MAPKAP1: variants seen among roughly 807,000 people sequenced by gnomAD.
MAPKAP1 encodes the protein MAPK associated protein 1, also known as target of rapamycin complex 2 subunit MAPKAP1.
A neutral mutation model predicts 65.7 loss-of-function variants in MAPKAP1; 20 were observed. That is an observed-to-expected ratio of 0.30 (90% CI 0.21 to 0.44). MAPKAP1 has a LOEUF of 0.44. Ranked by LOEUF, MAPKAP1 falls within the 20% of genes least tolerant of loss-of-function variation. The pLI, the probability that MAPKAP1 is intolerant of heterozygous loss-of-function variation, is 1.00. For missense variants in MAPKAP1, 423 were observed against 648.0 expected, an observed-to-expected ratio of 0.65 and a Z score of 3.77; for synonymous variants, 222 against 244.3, an observed-to-expected ratio of 0.91 and a Z score of 0.85.
chr9:125,599,187 C>T (rs777901871), intron 4 of MAPKAP1, among the ~76,000 whole-genome samples: 2 of 152,086 alleles, frequency 1.3e-5, no homozygotes, highest in Non-Finnish European at 2.9e-5. Context: ...TGTTCATAGA[C>T]TTTTGAAACT....
At chr9:125,579,803 G>A (rs750326431) in intron 5 of MAPKAP1, among the ~76,000 whole-genome samples, 1 of 152,188 alleles carries the variant, frequency 6.6e-6, no homozygotes, top group Non-Finnish European at 1.5e-5. Context: ...GACAGGAGGA[G>A]ATCCCAGGGA....
chr9:125,460,313 A>T (rs1306462409), intron 10 of MAPKAP1, among the ~76,000 whole-genome samples: 1 of 152,198 alleles, frequency 6.6e-6, no homozygotes, highest in Non-Finnish European at 1.5e-5. Flanking sequence ...CAGGAGAAAA[A>T]AAAAAAAGTT....
intron 8 of MAPKAP1, among the ~76,000 whole-genome samples, chr9:125,496,027 A>G (rs1452121397): frequency 1.3e-5 from 2 of 152,202 alleles, no homozygotes; most frequent in Non-Finnish European, 2.9e-5. Flanking sequence ...ACTGTACACA[A>G]TCTCACTGAC....
chr9:125,484,671 T>G, intron 8 of MAPKAP1, 88 bp from the exon 9 acceptor site: 1 of 1,287,538 alleles, frequency 7.8e-7, no homozygotes, highest in South Asian at 1.7e-5. Context: ...TAAATTAAAA[T>G]AATATGGGCT....
Position 125,605,299 on chromosome 9 carries a change from C to T in MAPKAP1, c.499-19572G>A, listed in dbSNP as rs144635239. Among the ~76,000 whole-genome samples the T allele has an allele frequency of 4.2e-4, 64 of 152,298 alleles. 1 individual carries two copies. The East Asian group carries it at 0.012, about 29-fold the overall frequency. On this transcript the variant is annotated intron_variant, in intron 4 of 11. Transcript: ENST00000265960. ...AAACTTCAGACAGGTCAAATCCTGG[C>T]AGGTTACACTTCAGTATCTGAAAGC...
At chr9:125,554,093 T>C (rs1349165342) in intron 6 of MAPKAP1, among the ~76,000 whole-genome samples, 1 of 152,136 alleles carries the variant, frequency 6.6e-6, no homozygotes, top group East Asian at 1.9e-4. Context: ...GGTTATGTGT[T>C]CCAGCAGCTA....
At chr9:125,517,453 A>G (rs1034553785) in intron 7 of MAPKAP1, among the ~76,000 whole-genome samples, 7 of 152,174 alleles carry the variant, frequency 4.6e-5, no homozygotes, top group Admixed American at 2.0e-4. Flanking sequence ...CACAGTTCTG[A>G]AAGTGTGATT....
intron 9 of MAPKAP1, among the ~76,000 whole-genome samples, chr9:125,479,598 T>C (rs1219660172): frequency 1.4e-5 from 2 of 146,480 alleles, no homozygotes; most frequent in Non-Finnish European, 3.0e-5. Context: ...AAAAAAAAAG[T>C]CTGGTGGAAA....
At chr9:125,697,081 T>C (rs968633580) in intron 1 of MAPKAP1, among the ~76,000 whole-genome samples, 1 of 152,184 alleles carries the variant, frequency 6.6e-6, no homozygotes, top group Admixed American at 6.5e-5. Flanking sequence ...ATACCACCAA[T>C]ACGAATACAA....
chr9:125,437,627 G>T lies in MAPKAP1; in HGVS notation c.*1260C>A. 6.6e-6 allele frequency: 1 copy of T among 152,578 alleles called. No homozygotes were observed. Among genetic ancestry groups the T allele is most frequent in the South Asian group, 2.1e-4 (1 of 4,828 alleles). The allele number at this position is 152,578 out of a possible 1,614,324, so 9.5% of individuals were successfully genotyped here. ...CTGAACAAAGATCAGAATGAAAGAA[G>T]AATTCATCAGCATGACCCCTTGTGC... On this transcript the variant is annotated 3_prime_UTR_variant, in exon 12 of 12. Coordinates refer to ENST00000265960, the MANE Select transcript of MAPKAP1 (RefSeq NM_001006617.3).
At chr9:125,563,702 G>GTATTATTATTATTAT (rs113809428) in intron 5 of MAPKAP1, among the ~76,000 whole-genome samples, 1 of 112,308 alleles carries the variant, frequency 8.9e-6, no homozygotes, top group Non-Finnish European at 2.2e-5. Context: ...AAAGCAAAGG[G>GTATTATTATTATTAT]TATTATTATT....
At chr9:125,666,982 C>A (rs956525593) in intron 3 of MAPKAP1, among the ~76,000 whole-genome samples, 1 of 152,144 alleles carries the variant, frequency 6.6e-6, no homozygotes, top group Admixed American at 6.5e-5. Context: ...CATGAACATA[C>A]ACATTGAAGA....
rs1835225226 is a variant in MAPKAP1 at position 125,693,343 on chromosome 9, G to C, written c.-70+13628C>G. Among the ~76,000 whole-genome samples the C allele has an allele frequency of 2.6e-5, 4 of 151,422 alleles. No individual in the cohort carries two copies. The South Asian group carries it at 8.3e-4, about 31-fold the overall frequency. On this transcript the variant is annotated intron_variant, in intron 1 of 11. Transcript: ENST00000265960. ...GCAGGAGAATCGCTTGAACCCAAGA[G>C]GCAGAGGTTGCAGTGAGCCAAGATC...
chr9:125,575,910 T>C (rs1488373413), intron 5 of MAPKAP1, among the ~76,000 whole-genome samples: 1 of 152,242 alleles, frequency 6.6e-6, no homozygotes, highest in African/African-American at 2.4e-5. Context: ...TTACAGTGCC[T>C]TTATTCATAA....
chr9:125,617,695 CAGA>C (rs1832785977), intron 4 of MAPKAP1, among the ~76,000 whole-genome samples: 1 of 151,944 alleles, frequency 6.6e-6, no homozygotes, highest in African/African-American at 2.4e-5. Flanking sequence ...GAAAAAGTTA[CAGA>C]AGAACACTTA....
intron 4 of MAPKAP1, among the ~76,000 whole-genome samples, chr9:125,625,258 A>AAAAAAAAAAAAAAAAAAAAAAAAT (rs1833078675): frequency 9.0e-6 from 1 of 110,716 alleles, no homozygotes; most frequent in Non-Finnish European, 1.8e-5. Context: ...AAATAAATAA[A>AAAAAAAAAAAAAAAAAAAAAAAAT]AAAAAAAAAA....
intron 9 of MAPKAP1, among the ~76,000 whole-genome samples, chr9:125,469,822 C>T (rs1398686869): frequency 6.6e-6 from 1 of 152,248 alleles, no homozygotes; most frequent in East Asian, 1.9e-4. Flanking sequence ...AAATAGATTA[C>T]GACTACCCAG....
chr9:125,555,896 CCT>C (rs1260132136), intron 6 of MAPKAP1, among the ~76,000 whole-genome samples: 8 of 152,212 alleles, frequency 5.3e-5, no homozygotes, highest in Admixed American at 5.2e-4. Context: ...CACTACCCCT[CCT>C]CTGCTATAAA....
At chr9:125,500,729 A>AT (rs995886328) in intron 8 of MAPKAP1, among the ~76,000 whole-genome samples, 3 of 152,226 alleles carry the variant, frequency 2.0e-5, no homozygotes, top group African/African-American at 4.8e-5. Context: ...GTTACCTGAA[A>AT]TTTTTTTTAC....
Sources: allele counts gnomAD v4.1 joint callset (sites outside exome capture counted in the v4.1 genomes callset), GRCh38; gene constraint gnomAD v4.1.1; transcripts MANE v1.5; gene names NCBI Gene and HGNC (gene_info 2026-07-23, HGNC 2026-07-21).